The following POLR2F variants were observed in gnomAD, a reference collection of about 807,000 sequenced individuals.
POLR2F encodes DNA-directed RNA polymerases I, II, and III subunit RPABC2.
Under a neutral mutation model 22.7 loss-of-function variants are expected in POLR2F, and 12 were observed. The ratio of observed to expected loss-of-function variants is 0.53; its 90% CI spans 0.34 to 0.86. POLR2F has a LOEUF of 0.86. POLR2F is among the 40% of genes least tolerant of loss of function. The pLI, the probability that POLR2F is intolerant of heterozygous loss-of-function variation, is 0.02. For synonymous variants in POLR2F, 57 were observed against 66.0 expected (o/e 0.86, Z 0.66); for missense variants, 126 against 171.5 (o/e 0.73, Z 1.48).
intron 1 of POLR2F, among the ~76,000 whole-genome samples, chr22:38,018,774 C>G (rs2084935390): frequency 6.6e-6 from 1 of 152,192 alleles, no homozygotes; most frequent in Admixed American, 6.5e-5. Context: ...GTAGGTTCAG[C>G]AGTGGGGAGA....
exon 3 of POLR2F, chr22:38,026,574 C>T (rs2085012429): frequency 1.3e-5 from 4 of 315,972 alleles, no homozygotes; most frequent in East Asian, 1.7e-4. Context: ...CCAGGGTCAC[C>T]CCAAAGCCGC....
intron 1 of POLR2F, among the ~76,000 whole-genome samples, chr22:37,993,513 G>A (rs1569175001): frequency 6.6e-6 from 1 of 152,110 alleles, no homozygotes; most frequent in Non-Finnish European, 1.5e-5. Flanking sequence ...CTTATTCTTC[G>A]CTGATGTCAC....
chr22:37,969,172 A>G lies in POLR2F; in HGVS notation c.*1457A>G. The G allele has an allele frequency of 1.0e-6, 1 of 985,402 alleles. No homozygotes were observed. Among genetic ancestry groups the G allele is most frequent in the Non-Finnish European group, 1.2e-6 (1 of 829,920 alleles). 61.0% of individuals were successfully genotyped at this position (985,402 alleles called of 1,614,324 possible). On this transcript the variant is annotated 3_prime_UTR_variant, in exon 5 of 5. Coordinates refer to ENST00000442738, the MANE Select transcript of POLR2F (RefSeq NM_021974.5). ...AATTGGGGGTTAACCCTTAGGGGATAGAGTGCAAGGGAAATGGGACAGAAG... is the reference window on the plus strand; with the variant it reads ...AATTGGGGGTTAACCCTTAGGGGATGGAGTGCAAGGGAAATGGGACAGAAG...
intron 1 of POLR2F, among the ~76,000 whole-genome samples, chr22:38,014,883 C>T (rs1402590951): frequency 6.9e-6 from 1 of 145,384 alleles, no homozygotes; most frequent in East Asian, 2.1e-4. Flanking sequence ...TCTTGGCTAA[C>T]TGCAAGCTCT....
intron 5 of POLR2F, among the ~76,000 whole-genome samples, chr22:38,035,075 T>C (rs2085102279): frequency 6.6e-6 from 1 of 152,040 alleles, no homozygotes; most frequent in South Asian, 2.1e-4. Flanking sequence ...ATAACACACA[T>C]AGTGTAGGTC....
downstream of POLR2F, chr22:37,972,952 A>AC (rs959131806): frequency 2.6e-5 from 4 of 154,374 alleles, no homozygotes; most frequent in Admixed American, 1.9e-4. Flanking sequence ...AGTCCCTCGA[A>AC]CCCCCCACTC....
At chr22:37,986,186 AGCC>A (rs2145781795), upstream of POLR2F, 1 of 1,542,668 alleles carries the variant, frequency 6.5e-7, no homozygotes, top group African/African-American at 1.4e-5. The surrounding 1 kb of genome is among the most constrained non-coding windows in gnomAD (Gnocchi z 4.7). Flanking sequence ...CCCGGAGAGG[AGCC>A]GCCCTGGATG....
At chr22:37,981,656 T>C (rs1932399924), upstream of POLR2F, among the ~76,000 whole-genome samples, 1 of 152,098 alleles carries the variant, frequency 6.6e-6, no homozygotes, top group Non-Finnish European at 1.5e-5. Flanking sequence ...GTCCCCAGAG[T>C]CTGCCCTATC....
intron 1 of POLR2F, among the ~76,000 whole-genome samples, chr22:38,004,966 CTA>C (rs1181645357): frequency 6.6e-6 from 1 of 152,118 alleles, no homozygotes; most frequent in Non-Finnish European, 1.5e-5. Context: ...CAAAACAAAA[CTA>C]TGTGATACAT....
At chr22:37,995,338 G>A (rs2084703141) in intron 1 of POLR2F, among the ~76,000 whole-genome samples, 1 of 152,202 alleles carries the variant, frequency 6.6e-6, no homozygotes, top group African/African-American at 2.4e-5. Flanking sequence ...TAGCTTGGCA[G>A]GTCTGTCTCC....
At chr22:37,958,085 C>T (rs1158295175) in intron 2 of POLR2F, among the ~76,000 whole-genome samples, 1 of 151,988 alleles carries the variant, frequency 6.6e-6, no homozygotes, top group Admixed American at 6.6e-5. Flanking sequence ...GGTCATAGCG[C>T]ACTACAGCCT....
At position 38,023,622 on chromosome 22, in the gene POLR2F, C is replaced by G. The variant is rs550308708; in HGVS notation, c.121-2247C>G. Among the ~76,000 whole-genome samples, 4 of 152,190 alleles carry G rather than the reference C, an allele frequency of 2.6e-5. No homozygotes were observed. In the East Asian group the frequency reaches 7.7e-4, roughly 29 times the overall value. On this transcript the variant is annotated intron_variant, in intron 1 of 2. Coordinates refer to the POLR2F transcript ENST00000333418. ...AAACTGTATGCCCATTAAACACTAA[C>G]TCCCTTAGCTCCAGCCCCTGGAGAT...
chr22:38,001,991 A>G (rs1056900017), intron 1 of POLR2F, among the ~76,000 whole-genome samples: 16 of 150,932 alleles, frequency 1.1e-4, no homozygotes, highest in African/African-American at 3.7e-4. Context: ...CCATGCCTGT[A>G]TTTTGTAAAA....
exon 6 of POLR2F, chr22:38,041,085 A>G: frequency 1.2e-6 from 2 of 1,612,926 alleles, no homozygotes; most frequent in Non-Finnish European, 1.7e-6. Flanking sequence ...CGGCTCAGAG[A>G]GGAGTGACTC....
chr22:38,018,499 C>T (rs2084933221), intron 1 of POLR2F, among the ~76,000 whole-genome samples: 1 of 152,042 alleles, frequency 6.6e-6, no homozygotes, highest in Non-Finnish European at 1.5e-5. Context: ...GGTCAGGCCT[C>T]AGGCTTAGGG....
chr22:37,994,268 G>A (rs2084690194), intron 1 of POLR2F, among the ~76,000 whole-genome samples: 1 of 152,134 alleles, frequency 6.6e-6, no homozygotes, highest in Non-Finnish European at 1.5e-5. Context: ...TATCTGCTAG[G>A]CTGCCAGGCT....
intron 1 of POLR2F, among the ~76,000 whole-genome samples, chr22:37,995,147 A>G (rs113490897): frequency 0.016 from 2,423 of 152,296 alleles, 64 homozygotes; most frequent in African/African-American, 0.056. Flanking sequence ...CCATCAGTGC[A>G]TTGAGGGAGC....
rs3026639 is a variant in POLR2F, at chr22:37,965,697, G to A, written c.222-1402G>A. ...CAGGCTTTTGGGAGTAATATAAATC[G>A]AAATATTTAGTAATAAAATTAGTAA... On this transcript the variant is annotated intron_variant, in intron 3 of 4. Transcript: ENST00000442738. 3.9e-5 allele frequency among the ~76,000 whole-genome samples: 6 copies of A among 152,276 alleles called. No homozygotes were observed. In the East Asian group the frequency reaches 5.8e-4, roughly 15 times the overall value.
At chr22:37,987,113 G>C (rs1932604918) in intron 1 of POLR2F, 1 of 456,612 alleles carries the variant, frequency 2.2e-6, no homozygotes. Flanking sequence ...TCCATGGCAA[G>C]GTGTGGTGTC....
Sources: gnomAD v4.1 joint callset for allele counts (sites outside exome capture counted in the v4.1 genomes callset) on GRCh38, gnomAD v4.1.1 for gene constraint, Gnocchi (gnomAD v3.1) non-coding constraint, MANE v1.5 for transcripts, NCBI Gene and HGNC (gene_info 2026-07-23, HGNC 2026-07-21) for gene names.